The following GTF2IRD1 variants were observed in gnomAD, a reference collection of about 807,000 sequenced individuals.
The protein encoded by GTF2IRD1 is general transcription factor II-I repeat domain-containing protein 1.
A neutral mutation model predicts 113.2 loss-of-function variants in GTF2IRD1; 26 were observed. The ratio of observed to expected loss-of-function variants is 0.23; its 90% CI spans 0.17 to 0.32. The LOEUF is 0.32. GTF2IRD1 is among the 10% of genes least tolerant of loss of function. The pLI is 1.00. For synonymous variants in GTF2IRD1, 484 were observed against 529.1 expected (o/e 0.91, Z 1.17); for missense variants, 864 against 1,280.8 (o/e 0.67, Z 4.97).
chr7:74,546,134 C>T (rs1317762242), intron 16 of GTF2IRD1, among the ~76,000 whole-genome samples: 1 of 152,054 alleles, frequency 6.6e-6, no homozygotes, highest in East Asian at 1.9e-4. Context: ...CATCCAGGGT[C>T]CTCAAGAAGA....
intron 1 of GTF2IRD1, among the ~76,000 whole-genome samples, chr7:74,466,362 G>A (rs1463581094): frequency 6.6e-6 from 1 of 152,124 alleles, no homozygotes; most frequent in Non-Finnish European, 1.5e-5. Flanking sequence ...TGACGGTGGG[G>A]CTGCTGCATT....
intron 22 of GTF2IRD1, among the ~76,000 whole-genome samples, chr7:74,577,919 C>T (rs1475948068): frequency 2.0e-5 from 3 of 152,058 alleles, no homozygotes; most frequent in East Asian, 1.9e-4. Context: ...ACAATCCTCC[C>T]GCATCAGCCT....
At chr7:74,503,701 A>G (rs1311358958) in intron 1 of GTF2IRD1, among the ~76,000 whole-genome samples, 2 of 151,860 alleles carry the variant, frequency 1.3e-5, no homozygotes, top group Non-Finnish European at 2.9e-5. Flanking sequence ...GTGAGCCGAG[A>G]TCACACCACT....
chr7:74,517,134 C>T (rs1796981712), intron 4 of GTF2IRD1, among the ~76,000 whole-genome samples: 1 of 152,182 alleles, frequency 6.6e-6, no homozygotes, highest in East Asian at 1.9e-4. Flanking sequence ...AGCAATTCTC[C>T]TGCCTCAGCC....
At chr7:74,488,999 G>A (rs954356571) in intron 1 of GTF2IRD1, among the ~76,000 whole-genome samples, 4 of 151,422 alleles carry the variant, frequency 2.6e-5, no homozygotes, top group Admixed American at 6.6e-5. Flanking sequence ...AAAATTAGCC[G>A]GGTGTGGTGG....
At chr7:74,549,722 G>C (rs1417619578) in intron 17 of GTF2IRD1, among the ~76,000 whole-genome samples, 1 of 151,486 alleles carries the variant, frequency 6.6e-6, no homozygotes, top group African/African-American at 2.4e-5. Flanking sequence ...CAGATCACTT[G>C]AGATCAGGAC....
At chr7:74,559,699 G>A (rs1233394658) in intron 22 of GTF2IRD1, 44 bp downstream of exon 22, 18 of 1,529,680 alleles carry the variant, frequency 1.2e-5, no homozygotes, top group East Asian at 2.4e-5. Context: ...AATAGGGCCC[G>A]ATCGTGGTGC....
intron 3 of GTF2IRD1, among the ~76,000 whole-genome samples, chr7:74,514,312 A>AC (rs587632635): frequency 2.1e-4 from 31 of 150,802 alleles, no homozygotes; most frequent in African/African-American, 7.5e-4. Context: ...CCAGCCCCCC[A>AC]CCCCCCTCAG....
chr7:74,505,363 T>C (rs539800153), intron 1 of GTF2IRD1, among the ~76,000 whole-genome samples: 1 of 152,296 alleles, frequency 6.6e-6, no homozygotes, highest in Admixed American at 6.5e-5. Flanking sequence ...TCTGAGGCCC[T>C]TTGCAGGGAG....
At chr7:74,485,916 A>T (rs1794995870) in intron 1 of GTF2IRD1, among the ~76,000 whole-genome samples, 1 of 151,516 alleles carries the variant, frequency 6.6e-6, no homozygotes, top group Non-Finnish European at 1.5e-5. Context: ...ACAGAGTGAG[A>T]CCCTGTCTTT....
intron 1 of GTF2IRD1, among the ~76,000 whole-genome samples, chr7:74,496,568 G>A (rs1411208391): frequency 7.4e-6 from 1 of 134,490 alleles, no homozygotes; most frequent in Non-Finnish European, 1.6e-5. Context: ...GGGTGTACAT[G>A]TGTGGGTGTG....
In GTF2IRD1 at chr7:74,539,904, G is replaced by A; in HGVS notation, c.1554G>A (p.Met518Ile). 14 of 1,612,990 alleles carry A rather than the reference G, an allele frequency of 8.7e-6. No homozygotes were observed. Among genetic ancestry groups the A allele is most frequent in the East Asian group, 4.5e-5 (2 of 44,872 alleles). The change falls in exon 14 of 27, where the codon ATG becomes ATA. Residue 518 changes from methionine (M) to isoleucine (I), a missense_variant. By Grantham distance (10) the Met-to-Ile change is conservative. Transcript: ENST00000424337. ...VPDPSPTSEE[M>I]TDSMPGHLPS... ...ACCCCTCGCCAACCTCTGAGGAAAT[G>A]ACAGACTCGATGCCTGGGCACCTGC...
intron 22 of GTF2IRD1, among the ~76,000 whole-genome samples, chr7:74,563,678 G>A (rs1431165925): frequency 2.0e-5 from 3 of 151,924 alleles, no homozygotes; most frequent in Non-Finnish European, 2.9e-5. Flanking sequence ...TTGAGGCCAA[G>A]AGTTTGAGGC....
chr7:74,519,473 C>G lies in GTF2IRD1; in HGVS notation c.670C>G (p.Pro224Ala). The G allele has an allele frequency of 6.3e-7, 1 of 1,597,478 alleles. No homozygotes were observed. The highest frequency in any genetic ancestry group is 8.5e-7 in the Non-Finnish European group (1 of 1,172,018). Residue 224 changes from proline (P) to alanine (A), a missense_variant, in exon 6 of 27, where the codon CCC becomes GCC. This residue lies in a region of GTF2IRD1 where 195 missense variants were observed against 196.6 expected (regional missense o/e 0.99). Transcript: ENST00000424337. ...LVELNGVSLIPKGSRDCGLHG... is the reference protein window; with the variant it reads ...LVELNGVSLIAKGSRDCGLHG... ...GGAGCTGAACGGTGTCTCCCTGATT[C>G]CCAAGGGGTCACGGGACTGTGGCCT...
At chr7:74,463,899 T>G (rs1367773394) in intron 1 of GTF2IRD1, among the ~76,000 whole-genome samples, 1 of 152,080 alleles carries the variant, frequency 6.6e-6, no homozygotes, top group African/African-American at 2.4e-5. Flanking sequence ...AATTTTTGTA[T>G]TTTTAGTAGA....
rs891550297 is a variant in GTF2IRD1 at position 74,490,551 on chromosome 7, C to G, written c.-6-17524C>G. On this transcript the variant is annotated intron_variant, in intron 1 of 26. Coordinates refer to ENST00000424337, the MANE Select transcript of GTF2IRD1 (RefSeq NM_005685.4). Reference sequence around the variant, plus strand: ...GCTGGGGAGAAAGGATACCCCCCCCCCCGCCCGCCTTCCAGAAGGGGAGAA... The same window carrying G: ...GCTGGGGAGAAAGGATACCCCCCCCGCCGCCCGCCTTCCAGAAGGGGAGAA... Among the ~76,000 whole-genome samples the G allele has an allele frequency of 1.7e-3, 264 of 151,592 alleles. 6 individuals are homozygous for G. The highest frequency in any genetic ancestry group is 6.3e-4 in the South Asian group (3 of 4,754).
chr7:74,573,914 C>G (rs1279318369), intron 22 of GTF2IRD1, among the ~76,000 whole-genome samples: 6 of 152,200 alleles, frequency 3.9e-5, no homozygotes, highest in African/African-American at 1.4e-4. Context: ...GCCCAGGTGT[C>G]TCACTGGGGC....
At chr7:74,566,574 T>C (rs2130834474) in intron 22 of GTF2IRD1, among the ~76,000 whole-genome samples, 1 of 152,286 alleles carries the variant, frequency 6.6e-6, no homozygotes, top group Non-Finnish European at 1.5e-5. Flanking sequence ...ACTCCTGACC[T>C]CAGGCGATCC....
chr7:74,583,642 C>T (rs141105995), intron 22 of GTF2IRD1, among the ~76,000 whole-genome samples: 2 of 152,130 alleles, frequency 1.3e-5, no homozygotes, highest in East Asian at 1.9e-4. Flanking sequence ...TCTGGTCCAC[C>T]GCCTGGGACC....
Sources: allele counts gnomAD v4.1 joint callset (sites outside exome capture counted in the v4.1 genomes callset), GRCh38; gene constraint gnomAD v4.1.1; regional missense constraint gnomAD v4.1.1; transcripts MANE v1.5; gene names NCBI Gene and HGNC (gene_info 2026-07-23, HGNC 2026-07-21).